Variants in NRG1 observed in about 807,000 individuals in gnomAD.
NRG1 encodes neuregulin 1.
In NRG1, 18 loss-of-function variants were observed where a neutral mutation model predicts 63.8. The observed-to-expected ratio is 0.28, with a 90% CI of 0.19 to 0.42. The LOEUF (loss-of-function observed/expected upper bound fraction) is 0.42, where lower values mean the gene tolerates loss of function less well. NRG1 is among the 10% of genes least tolerant of loss of function. The pLI is 1.00. For missense variants in NRG1, 762 were observed against 814.7 expected (o/e 0.94, Z 0.79); for synonymous variants, 302 against 301.3 (o/e 1.00, Z -0.02).
At chr8:31,930,668 A>G (rs1476876179) in intron 1 of NRG1, among the ~76,000 whole-genome samples, 2 of 152,106 alleles carry the variant, frequency 1.3e-5, no homozygotes, top group Non-Finnish European at 2.9e-5. Flanking sequence ...TAGAAATTGT[A>G]TTTTTTTGAA....
chr8:31,699,286 C>T (rs1486598608), intron 1 of NRG1, among the ~76,000 whole-genome samples: 1 of 152,000 alleles, frequency 6.6e-6, no homozygotes, highest in African/African-American at 2.4e-5. Context: ...TTTACAGAGC[C>T]CTTTTAGAAG....
intron 1 of NRG1, among the ~76,000 whole-genome samples, chr8:31,915,670 T>C (rs1295046234): frequency 6.6e-6 from 1 of 152,142 alleles, no homozygotes; most frequent in Non-Finnish European, 1.5e-5. Flanking sequence ...ATATGCTCAT[T>C]TTATATCCTT....
At chr8:32,679,254 C>T (rs1032347266) in intron 5 of NRG1, among the ~76,000 whole-genome samples, 1 of 152,164 alleles carries the variant, frequency 6.6e-6, no homozygotes, top group African/African-American at 2.4e-5. Flanking sequence ...CTATAACCAT[C>T]ATATTTTTTG....
At chr8:31,711,579 T>C (rs1484686319) in intron 1 of NRG1, among the ~76,000 whole-genome samples, 1 of 152,228 alleles carries the variant, frequency 6.6e-6, no homozygotes, top group Non-Finnish European at 1.5e-5. Context: ...TGTATAGTAT[T>C]ATTTTATTTC....
At chr8:32,732,093 G>A (rs977234284) in intron 6 of NRG1, among the ~76,000 whole-genome samples, 3 of 152,214 alleles carry the variant, frequency 2.0e-5, no homozygotes, top group African/African-American at 7.2e-5. Flanking sequence ...CTGAGGAGAG[G>A]TTTCCGGATT....
At chr8:32,137,600 C>T (rs1323311594) in intron 1 of NRG1, among the ~76,000 whole-genome samples, 1 of 152,134 alleles carries the variant, frequency 6.6e-6, no homozygotes, top group Non-Finnish European at 1.5e-5. Context: ...TGACGATCTG[C>T]TTCTTCTATA....
intron 1 of NRG1, among the ~76,000 whole-genome samples, chr8:31,808,061 GGATTTTTAAGC>G (rs1180063092): frequency 2.6e-5 from 4 of 151,586 alleles, no homozygotes; most frequent in Admixed American, 2.6e-4. Flanking sequence ...CAATGGACAT[GGATTTTTAAGC>G]GATAAAGAAT....
intron 1 of NRG1, among the ~76,000 whole-genome samples, chr8:32,565,605 C>G (rs1336063435): frequency 6.6e-6 from 1 of 152,200 alleles, no homozygotes; most frequent in Non-Finnish European, 1.5e-5. Flanking sequence ...TGAAGTTTTT[C>G]ATTTCAAGGA....
At chr8:31,922,244 G>A (rs1257284796) in intron 1 of NRG1, among the ~76,000 whole-genome samples, 2 of 152,144 alleles carry the variant, frequency 1.3e-5, no homozygotes, top group African/African-American at 2.4e-5. Flanking sequence ...GTGGTCAATA[G>A]CAGAGGCAAT....
intron 1 of NRG1, among the ~76,000 whole-genome samples, chr8:31,760,697 A>G (rs1817449447): frequency 6.6e-6 from 1 of 152,244 alleles, no homozygotes. Flanking sequence ...AGACGCATGA[A>G]AAAATGCTCA....
chr8:32,168,907 T>C (rs1839687892), intron 1 of NRG1, among the ~76,000 whole-genome samples: 1 of 152,188 alleles, frequency 6.6e-6, no homozygotes, highest in Non-Finnish European at 1.5e-5. Flanking sequence ...AATTCCATCA[T>C]GTCAGGGACT....
At position 32,053,870 on chromosome 8, in the gene NRG1, G is replaced by A. The variant is rs1822399248; in HGVS notation, c.37+414439G>A. On this transcript the variant is annotated intron_variant, in intron 1 of 10. Transcript: ENST00000519301. The stretch of plus-strand genomic sequence containing the variant: ...ACATATCTGTGCTGTTTGTGGGACA[G>A]CACAAACATATTTGAAACATTCAGC... Among the ~76,000 whole-genome samples, 6 of 152,244 alleles carry A rather than the reference G, an allele frequency of 3.9e-5. No individual in the cohort carries two copies. The South Asian group carries it at 1.2e-3, about 32-fold the overall frequency.
intron 1 of NRG1, among the ~76,000 whole-genome samples, chr8:32,295,397 G>A (rs932459064): frequency 1.3e-5 from 2 of 152,084 alleles, no homozygotes; most frequent in African/African-American, 4.8e-5. Context: ...AACTGAAAGT[G>A]GATTGGTAGG....
intron 5 of NRG1, among the ~76,000 whole-genome samples, chr8:32,705,167 G>T (rs1589309177): frequency 7.0e-6 from 1 of 142,926 alleles, no homozygotes; most frequent in South Asian, 2.2e-4. Context: ...GAGTCTCGCT[G>T]TGTCGCCCAG....
chr8:32,405,437 C>G (rs895929514), intron 1 of NRG1, among the ~76,000 whole-genome samples: 4 of 152,140 alleles, frequency 2.6e-5, no homozygotes, highest in Admixed American at 6.5e-5. Flanking sequence ...CTAAAGCCTT[C>G]CAACAGCAGA....
At chr8:32,531,597 T>C (rs2079910124) in intron 1 of NRG1, among the ~76,000 whole-genome samples, 1 of 152,176 alleles carries the variant, frequency 6.6e-6, no homozygotes. Context: ...ATTGTGGCAG[T>C]ATAAAATGAT....
intron 1 of NRG1, among the ~76,000 whole-genome samples, chr8:31,807,948 C>CGT (rs71208141): frequency 0.033 from 4,571 of 137,104 alleles, 106 homozygotes; most frequent in African/African-American, 0.063. Context: ...AGAGTATTCG[C>CGT]GTGTGTGTGT....
At chr8:32,420,460 G>A (rs1041564263) in intron 1 of NRG1, among the ~76,000 whole-genome samples, 1 of 151,932 alleles carries the variant, frequency 6.6e-6, no homozygotes, top group Non-Finnish European at 1.5e-5. Flanking sequence ...AACATCGAAG[G>A]TTCTTTAAAT....
chr8:31,923,009 G>A (rs1455057902), intron 1 of NRG1, among the ~76,000 whole-genome samples: 1 of 152,150 alleles, frequency 6.6e-6, no homozygotes, highest in Non-Finnish European at 1.5e-5. Flanking sequence ...ATGACTGTGT[G>A]CTGAGCAAGG....
Sources: gnomAD v4.1 joint callset for allele counts (sites outside exome capture counted in the v4.1 genomes callset) on GRCh38, gnomAD v4.1.1 for gene constraint, MANE v1.5 for transcripts, NCBI Gene and HGNC (gene_info 2026-07-23, HGNC 2026-07-21) for gene names.